The following MMP11 variants were observed in gnomAD, a reference collection of about 807,000 sequenced individuals.
MMP11 encodes matrix metallopeptidase 11.
Under a neutral mutation model 49.5 loss-of-function variants are expected in MMP11, and 26 were observed. The ratio of observed to expected loss-of-function variants is 0.52; its 90% CI spans 0.38 to 0.73. The LOEUF is 0.73. Ranked by LOEUF, MMP11 falls within the 30% of genes least tolerant of loss-of-function variation. The pLI is 0.00. For synonymous variants in MMP11, 265 were observed against 282.3 expected, an observed-to-expected ratio of 0.94 and a Z score of 0.62; for missense variants, 624 against 671.2, an observed-to-expected ratio of 0.93 and a Z score of 0.78.
intron 6 of MMP11, chr22:23,781,969 G>T: frequency 1.5e-6 from 1 of 678,576 alleles, no homozygotes; most frequent in East Asian, 2.8e-5. Context: ...GGAAGGAGCA[G>T]CCGCCCAGGC....
At chr22:23,773,936 C>T (rs1261029951) in intron 1 of MMP11, among the ~76,000 whole-genome samples, 3 of 152,168 alleles carry the variant, frequency 2.0e-5, no homozygotes, top group Non-Finnish European at 1.5e-5. Context: ...TGGCTCTGCT[C>T]AGGGCAGCCT....
At chr22:23,775,829 C>T (rs566353033) in intron 1 of MMP11, among the ~76,000 whole-genome samples, 7 of 152,186 alleles carry the variant, frequency 4.6e-5, no homozygotes, top group Admixed American at 6.5e-5. Flanking sequence ...GATTCCCAAG[C>T]GTGGGAGGGG....
rs375964561 is a variant in MMP11, at chr22:23,779,277, G to A, written c.199G>A (p.Glu67Lys). ...CCCGGCACCTGCCCCTGCCACGCAG[G>A]AAGCCCCCCGGCCTGCCAGCAGCCT... ...SSPAPAPATQ[E>K]APRPASSLRP... The change falls in exon 2 of 8, where the codon GAA (glutamate) becomes AAA (lysine). Residue 67 changes from glutamate to lysine, a missense_variant. Transcript: ENST00000215743. The A allele has an allele frequency of 1.2e-6, 2 of 1,609,894 alleles. No individual in the cohort carries two copies. Among genetic ancestry groups the A allele is most frequent in the African/African-American group, 1.3e-5 (1 of 74,900 alleles).
Position 23,780,323 on chromosome 22 carries a change from C to T in MMP11, c.339-36C>T. 2 of 1,611,808 alleles carry T rather than the reference C, an allele frequency of 1.2e-6. No homozygotes were observed. The highest frequency in any genetic ancestry group is 8.5e-7 in the Non-Finnish European group (1 of 1,179,906). On this transcript the variant is annotated intron_variant, in intron 2 of 7. Coordinates refer to ENST00000215743, the MANE Select transcript of MMP11 (RefSeq NM_005940.5). This position sits in a 1 kb window ranked among gnomAD's most constrained non-coding sequence, Gnocchi z 4.6. ...GTGCCTCAGCCATCGGGGGCTGTCCCTTCCCTGAGGCCCAGGCCCCTCCAT... is the reference window on the plus strand; with the variant it reads ...GTGCCTCAGCCATCGGGGGCTGTCCTTTCCCTGAGGCCCAGGCCCCTCCAT...
rs766288227 is a variant in MMP11, at chr22:23,782,248, C to T, written c.1098C>T (p.Asp366=). The change falls in exon 7 of 8, where the codon GAC becomes GAT. Residue 366 remains aspartate (D), a synonymous_variant. Coordinates refer to ENST00000215743, the MANE Select transcript of MMP11 (RefSeq NM_005940.5). ...FFQGAQYWVY[D]GEKPVLGPAP... is the part of the protein sequence containing the mutation. ...CAGGTGCTCAGTACTGGGTGTACGA[C>T]GGTGAAAAGCCAGTCCTGGGCCCCG... 2.4e-5 allele frequency: 39 copies of T among 1,613,298 alleles called. No individual in the cohort carries two copies. The highest frequency in any genetic ancestry group is 1.8e-4 in the South Asian group (16 of 91,078).
At chr22:23,783,377 C>T (rs1354126405) in intron 7 of MMP11, 34 bp from the exon 8 acceptor site, 2 of 1,610,228 alleles carry the variant, frequency 1.2e-6, no homozygotes, top group East Asian at 2.2e-5. Context: ...GCCCAGTGTC[C>T]GCTCGCCCAG....
chr22:23,780,417 G>A lies in MMP11; in HGVS notation c.397G>A (p.Ala133Thr). The A allele has an allele frequency of 1.2e-6, 2 of 1,613,924 alleles. No individual in the cohort carries two copies. The highest frequency in any genetic ancestry group is 1.7e-6 in the Non-Finnish European group (2 of 1,180,022). ...QEQVRQTMAE[A>T]LKVWSDVTPL... ...GCAGGTGCGGCAGACGATGGCAGAG[G>A]CCCTAAAGGTATGGAGCGATGTGAC... The change falls in exon 3 of 8, where the codon GCC (alanine) becomes ACC (threonine). Residue 133 changes from alanine (A) to threonine (T), a missense_variant. Ala to Thr is a moderately conservative substitution (Grantham distance 58). Coordinates refer to ENST00000215743, the MANE Select transcript of MMP11 (RefSeq NM_005940.5). The surrounding 1 kb of genome is among the most constrained non-coding windows in gnomAD (Gnocchi z 4.6).
At chr22:23,777,324 T>G (rs1927445897) in intron 1 of MMP11, among the ~76,000 whole-genome samples, 1 of 150,812 alleles carries the variant, frequency 6.6e-6, no homozygotes, top group Admixed American at 6.6e-5. Context: ...TCCCAGCACT[T>G]TGGGAGGCCG....
rs1927722715 is a variant in MMP11, at chr22:23,783,517, TGCCGAGC to T, written c.1441_1447del (p.Ala481LeufsTer42). The T allele has an allele frequency of 1.9e-6, 3 of 1,614,212 alleles. No individual in the cohort carries two copies. Among genetic ancestry groups the T allele is most frequent in the African/African-American group, 2.7e-5 (2 of 75,056 alleles). ...TCGTGGGTCCTGACTTCTTTGGCTG[TGCCGAGC>T]CTGCCAACACTTTCCTCTGACCATG... On this transcript the variant is annotated frameshift_variant, in exon 8 of 8. Transcript: ENST00000215743. LOFTEE classifies it high-confidence loss of function.
intron 1 of MMP11, among the ~76,000 whole-genome samples, chr22:23,775,314 C>T (rs566169818): frequency 6.9e-6 from 1 of 144,270 alleles, no homozygotes; most frequent in East Asian, 2.1e-4. Flanking sequence ...GTAGATGAGG[C>T]CAGTGGTGGC....
rs1434664541 is a variant in MMP11, at chr22:23,779,776, G to A, written c.338+360G>A. ...TGAGGCAGACACAGCCCCATCCTCTGTGTCAGTCTGAGGTGGGTGTCAGCC... is the reference window on the plus strand; with the variant it reads ...TGAGGCAGACACAGCCCCATCCTCTATGTCAGTCTGAGGTGGGTGTCAGCC... On this transcript the variant is annotated intron_variant, in intron 2 of 7. Coordinates refer to ENST00000215743, the MANE Select transcript of MMP11 (RefSeq NM_005940.5). 3.8e-5 allele frequency: 13 copies of A among 343,198 alleles called. No individual in the cohort carries two copies. In the South Asian group the frequency reaches 4.9e-4, roughly 13 times the overall value. The allele number at this position is 343,198 out of a possible 1,614,324, so 21.3% of individuals were successfully genotyped here.
At chr22:23,781,680 G>C in intron 6 of MMP11, 1 of 651,036 alleles carries the variant, frequency 1.5e-6, no homozygotes, top group South Asian at 1.6e-5. Context: ...CCCATGGGGC[G>C]GGGTTCTAGA....
rs1927742156 is a variant in MMP11, at chr22:23,783,887, T to C, written c.*343T>C. The C allele has an allele frequency of 6.3e-6, 2 of 317,154 alleles. No individual in the cohort carries two copies. 19.6% of individuals were successfully genotyped at this position (317,154 alleles called of 1,614,324 possible). A position where few individuals can be genotyped will look rare whatever the true frequency, so the allele number is the denominator to read the frequency against. ...CATGGCAGGACTGGGGGAACTGGAG[T>C]GTCCTTGCTGTATCCCTGTTGTGAG... On this transcript the variant is annotated 3_prime_UTR_variant, in exon 8 of 8. Coordinates refer to ENST00000215743, the MANE Select transcript of MMP11 (RefSeq NM_005940.5).
chr22:23,782,071 C>T (rs1240242905), intron 6 of MMP11, 155 bp from the exon 7 acceptor site: 10 of 1,116,120 alleles, frequency 9.0e-6, no homozygotes, highest in East Asian at 7.1e-5. Context: ...CTTCCCTCTG[C>T]GGGTGGGGTG....
chr22:23,775,413 G>A (rs899927372), intron 1 of MMP11, among the ~76,000 whole-genome samples: 1 of 152,212 alleles, frequency 6.6e-6, no homozygotes, highest in Admixed American at 6.5e-5. Context: ...GCTTCATGCC[G>A]TGCCTTGTAG....
rs1352247032 is a variant in MMP11, at chr22:23,780,426, G to T, written c.406G>T (p.Val136Leu). Residue 136 changes from valine to leucine, a missense_variant, in exon 3 of 8, where the codon GTA becomes TTA. Physicochemically the swap from Val to Leu is conservative, Grantham distance 32 (BLOSUM62 1). Coordinates refer to ENST00000215743, the MANE Select transcript of MMP11 (RefSeq NM_005940.5). This position sits in a 1 kb window ranked among gnomAD's most constrained non-coding sequence, Gnocchi z 4.6. ...GCAGACGATGGCAGAGGCCCTAAAG[G>T]TATGGAGCGATGTGACGCCACTCAC... ...VRQTMAEALK[V>L]WSDVTPLTFT... The T allele has an allele frequency of 6.2e-7, 1 of 1,614,042 alleles. No individual in the cohort carries two copies. Among genetic ancestry groups the T allele is most frequent in the South Asian group, 1.1e-5 (1 of 91,082 alleles).
At chr22:23,777,350 A>G (rs184149243) in intron 1 of MMP11, among the ~76,000 whole-genome samples, 8 of 151,524 alleles carry the variant, frequency 5.3e-5, no homozygotes, top group African/African-American at 1.9e-4. Context: ...GGCGGATCAC[A>G]AGGTCAGGAG....
rs1273079677 is a variant in MMP11, at chr22:23,784,035, ATC to A, written c.*493_*494del. On this transcript the variant is annotated 3_prime_UTR_variant, in exon 8 of 8. Coordinates refer to ENST00000215743, the MANE Select transcript of MMP11 (RefSeq NM_005940.5). ...AGGTCAGGTCTTGGTAGGTGCCTGC[ATC>A]TGTCTGCCTTCTGGCTGACAATCCT... 6.3e-6 allele frequency: 1 copy of A among 159,516 alleles called. No individual in the cohort carries two copies. The highest frequency in any genetic ancestry group is 2.4e-5 in the African/African-American group (1 of 41,744). The allele number at this position is 159,516 out of a possible 1,614,324, so 9.9% of individuals were successfully genotyped here.
chr22:23,780,053 C>T lies in MMP11; in HGVS notation c.339-306C>T, dbSNP rs145527500. ...GTGGGGGCCTGGGAACCAACAGGGGCTCAAGGAACCAAGGTGTCCCCACAG... is the reference window on the plus strand; with the variant it reads ...GTGGGGGCCTGGGAACCAACAGGGGTTCAAGGAACCAAGGTGTCCCCACAG... On this transcript the variant is annotated intron_variant, in intron 2 of 7. Transcript: ENST00000215743. The surrounding 1 kb of genome is among the most constrained non-coding windows in gnomAD (Gnocchi z 4.6). The T allele has an allele frequency of 4.8e-6, 2 of 416,462 alleles. No individual in the cohort carries two copies. Among genetic ancestry groups the T allele is most frequent in the Non-Finnish European group, 8.8e-6 (2 of 227,848 alleles). 25.8% of individuals were successfully genotyped at this position (416,462 alleles called of 1,614,324 possible). A position where few individuals can be genotyped will look rare whatever the true frequency, so the allele number is the denominator to read the frequency against.
Sources: allele counts gnomAD v4.1 joint callset (sites outside exome capture counted in the v4.1 genomes callset), GRCh38; gene constraint gnomAD v4.1.1; non-coding constraint Gnocchi (gnomAD v3.1); transcripts MANE v1.5; gene names NCBI Gene and HGNC (gene_info 2026-07-23, HGNC 2026-07-21).